Variants in ERAP1 observed in about 807,000 individuals in gnomAD.
ERAP1 encodes the protein adipocyte-derived leucine aminopeptidase.
ERAP1 carries 86 observed loss-of-function variants against 103.7 expected under a neutral mutation model. That is an observed-to-expected ratio of 0.83 (90% CI 0.70 to 0.99). The LOEUF (loss-of-function observed/expected upper bound fraction) is 0.99, where lower values mean the gene tolerates loss of function less well. Ranked by LOEUF, ERAP1 falls within the 50% of genes least tolerant of loss-of-function variation. The probability of loss-of-function intolerance (pLI) is 0.00; values close to 1 mark genes in which losing one functional copy is unlikely to be tolerated. For synonymous variants in ERAP1, 398 were observed against 402.4 expected (o/e 0.99, Z 0.13); for missense variants, 1,009 against 1,128.4 (o/e 0.89, Z 1.52).
the ERAP1 span, among the ~76,000 whole-genome samples, chr5:96,891,915 T>C: frequency 6.6e-6 from 1 of 152,196 alleles, no homozygotes; most frequent in Non-Finnish European, 1.5e-5. Context: ...ATCTCAAACA[T>C]ATTAGAAATT....
intron 5 of ERAP1, among the ~76,000 whole-genome samples, chr5:96,794,186 T>C (rs1777071010): frequency 1.4e-5 from 2 of 141,968 alleles, no homozygotes; most frequent in South Asian, 4.7e-4. Flanking sequence ...TTTTTTTTTT[T>C]TTTTTTTTTT....
intron 16 of ERAP1, 140 bp downstream of exon 16, chr5:96,781,553 C>T (rs1581543571): frequency 9.1e-7 from 1 of 1,102,036 alleles, no homozygotes; most frequent in South Asian, 1.3e-5. Flanking sequence ...TTGCCTTTCT[C>T]ATTAGATGTG....
intron 19 of ERAP1, chr5:96,767,459 A>G (rs199755325): frequency 6.2e-7 from 1 of 1,612,934 alleles, no homozygotes; most frequent in East Asian, 2.2e-5. Flanking sequence ...GAAGCCACCT[A>G]CAAAGAAATC....
chr5:96,780,433 C>T lies in ERAP1; in HGVS notation c.2660G>A (p.Arg887Gln), dbSNP rs200571600. 23 of 1,607,822 alleles carry T rather than the reference C, an allele frequency of 1.4e-5. No homozygotes were observed. The highest frequency in any genetic ancestry group is 9.4e-5 in the African/African-American group (7 of 74,622). ...GTTNQFSTRT[R>Q]LEEVKGFFSS... is the part of the protein sequence containing the mutation. ...ATTTTTTTTTTTTACCTCTTCAAGC[C>T]GTGTTCTTGTGGAGAATTGATTTGT... The change falls in exon 18 of 19, where the codon CGG (arginine) becomes CAG (glutamine). Residue 887 changes from arginine (R) to glutamine (Q), a missense_variant. This residue lies in a region of ERAP1 where 611 missense variants were observed against 651.7 expected (regional missense o/e 0.94). Coordinates refer to ENST00000443439, the MANE Select transcript of ERAP1 (RefSeq NM_001040458.3).
rs757315097 is a variant in ERAP1, at chr5:96,788,566, G to C, written c.1644C>G (p.His548Gln). The stretch of plus-strand genomic sequence containing the variant: ...GGGCGCCGTCAGAGCCCTTCATGTA[G>C]TGCTCTTGCTTCATGTGTACATTCC... ...RGRNVHMKQE[H>Q]YMKGSDGAPD... Residue 548 changes from histidine (H) to glutamine (Q), a missense_variant, in exon 11 of 19, where the codon CAC (histidine) becomes CAG (glutamine). Physicochemically the swap from His to Gln is conservative, Grantham distance 24. Coordinates refer to ENST00000443439, the MANE Select transcript of ERAP1 (RefSeq NM_001040458.3). 6.2e-7 allele frequency: 1 copy of C among 1,614,196 alleles called. No individual in the cohort carries two copies. Among genetic ancestry groups the C allele is most frequent in the Non-Finnish European group, 8.5e-7 (1 of 1,180,038 alleles).
At chr5:96,880,297 A>C in the ERAP1 span, 1 of 1,547,014 alleles carries the variant, frequency 6.5e-7, no homozygotes, top group Admixed American at 1.9e-5. Flanking sequence ...TTCTTTTGTG[A>C]TAATTTCCTT....
the ERAP1 span, chr5:96,814,391 C>T: frequency 4.4e-6 from 2 of 454,138 alleles, no homozygotes; most frequent in Non-Finnish European, 8.8e-6. Context: ...GTCTGCCACA[C>T]TAATGTTACT....
the ERAP1 span, among the ~76,000 whole-genome samples, chr5:96,862,402 A>C: frequency 2.0e-5 from 3 of 152,240 alleles, no homozygotes; most frequent in South Asian, 2.1e-4. Context: ...CATGTAAATA[A>C]ATAAATAAAC....
At position 96,776,150 on chromosome 5, in the gene ERAP1, T is replaced by C. The variant is rs1285748508; in HGVS notation, c.*246A>G. The C allele has an allele frequency of 1.1e-5, 16 of 1,486,000 alleles. No homozygotes were observed. The highest frequency in any genetic ancestry group is 1.3e-5 in the Non-Finnish European group (15 of 1,115,252). The allele number at this position is 1,486,000 out of a possible 1,614,324, so 92.1% of individuals were successfully genotyped here. On this transcript the variant is annotated 3_prime_UTR_variant, in exon 19 of 19. Coordinates refer to ENST00000443439, the MANE Select transcript of ERAP1 (RefSeq NM_001040458.3). ...AGAAGAATAAGGTACTTTATTCTTCTGTGGCAGGGAACCCAACACTTGGGT... is the reference window on the plus strand; with the variant it reads ...AGAAGAATAAGGTACTTTATTCTTCCGTGGCAGGGAACCCAACACTTGGGT...
At chr5:96,880,392 AAAGATCTACCATTCCTT>A in the ERAP1 span, 1 of 817,632 alleles carries the variant, frequency 1.2e-6, no homozygotes, top group Non-Finnish European at 1.9e-6. Context: ...AGAAGAAGGA[AAAGATCTACCATTCCTT>A]AAGGAAACCA....
the ERAP1 span, chr5:96,886,565 C>A: frequency 8.5e-7 from 1 of 1,180,648 alleles, no homozygotes; most frequent in Non-Finnish European, 1.1e-6. Context: ...GAGTATGAGG[C>A]TTGCCTCTAA....
At chr5:96,882,880 G>T in the ERAP1 span, among the ~76,000 whole-genome samples, 1 of 152,000 alleles carries the variant, frequency 6.6e-6, no homozygotes, top group African/African-American at 2.4e-5. Flanking sequence ...CCTCTTATTT[G>T]AGCTATTCTA....
chr5:96,782,653 A>G (rs1775384399), intron 15 of ERAP1, among the ~76,000 whole-genome samples: 1 of 152,210 alleles, frequency 6.6e-6, no homozygotes, highest in South Asian at 2.1e-4. Context: ...CAGATACGGT[A>G]AAATCCTACC....
the ERAP1 span, among the ~76,000 whole-genome samples, chr5:96,879,015 T>G: frequency 2.0e-5 from 3 of 151,950 alleles, no homozygotes; most frequent in Admixed American, 1.3e-4. Flanking sequence ...TTGCTTGAGT[T>G]TAGGAGTTTG....
At chr5:96,820,561 C>T in the ERAP1 span, among the ~76,000 whole-genome samples, 2 of 152,108 alleles carry the variant, frequency 1.3e-5, no homozygotes, top group Non-Finnish European at 2.9e-5. Context: ...CATATAACAT[C>T]TACAACCATG....
Position 96,795,147 on chromosome 5 carries a change from C to T in ERAP1, c.814G>A (p.Val272Met). 1 of 1,613,678 alleles carries T rather than the reference C, an allele frequency of 6.2e-7. No individual in the cohort carries two copies. The highest frequency in any genetic ancestry group is 8.5e-7 in the Non-Finnish European group (1 of 1,179,956). Residue 272 changes from valine to methionine, a missense_variant, in exon 5 of 19, where the codon GTG becomes ATG. Transcript: ENST00000443439. Reference sequence around the variant, plus strand: ...TCTGCTTGATTTATCTTGTCTGGCACAGCATAAACAGAAACCTAAAGAGAA... The same window carrying T: ...TCTGCTTGATTTATCTTGTCTGGCATAGCATAAACAGAAACCTAAAGAGAA... Reference protein sequence around the residue: ...KSGVKVSVYAVPDKINQADYA... With the variant: ...KSGVKVSVYAMPDKINQADYA...
chr5:96,884,034 TTATCTATCTATCTATC>T, the ERAP1 span: 670 of 603,088 alleles, frequency 1.1e-3, 2 homozygotes, highest in African/African-American at 2.1e-3. Flanking sequence ...TAATTTGTTT[TTATCTATCTATCTATC>T]TATCTATCTA....
At chr5:96,817,395 C>A in the ERAP1 span, among the ~76,000 whole-genome samples, 29 of 152,252 alleles carry the variant, frequency 1.9e-4, no homozygotes, top group African/African-American at 6.7e-4. Flanking sequence ...ATAAATAATG[C>A]CAACCTCATT....
At chr5:96,836,780 A>T in the ERAP1 span, among the ~76,000 whole-genome samples, 1 of 152,358 alleles carries the variant, frequency 6.6e-6, no homozygotes. Context: ...GGATGCATCC[A>T]TTGAAAAGCA....
Sources: allele counts gnomAD v4.1 joint callset (sites outside exome capture counted in the v4.1 genomes callset), GRCh38; gene constraint gnomAD v4.1.1; regional missense constraint gnomAD v4.1.1; transcripts MANE v1.5; gene names NCBI Gene and HGNC (gene_info 2026-07-23, HGNC 2026-07-21).